The following SLC26A4 variants were observed in gnomAD, a reference collection of about 807,000 sequenced individuals.
SLC26A4 encodes solute carrier family 26 member 4.
Under a neutral mutation model 90.4 loss-of-function variants are expected in SLC26A4, and 93 were observed. The ratio of observed to expected loss-of-function variants is 1.03; its 90% CI spans 0.87 to 1.22. The LOEUF is 1.22. Ranked by LOEUF, SLC26A4 falls within the 50% of genes most tolerant of loss-of-function variation. SLC26A4 has a pLI of 0.00. For missense variants in SLC26A4, 1,127 were observed against 946.2 expected, an observed-to-expected ratio of 1.19 and a Z score of -2.51; for synonymous variants, 393 against 354.6, an observed-to-expected ratio of 1.11 and a Z score of -1.22.
chr7:107,674,704 T>C (rs1056276123), intron 5 of SLC26A4, among the ~76,000 whole-genome samples: 1 of 152,234 alleles, frequency 6.6e-6, no homozygotes, highest in African/African-American at 2.4e-5. Context: ...TTTTTGCTTT[T>C]CTAAGTACAT....
intron 3 of SLC26A4, 41 bp from the exon 4 acceptor site, chr7:107,672,097 A>C (rs1371794055): frequency 7.9e-7 from 1 of 1,262,530 alleles, no homozygotes; most frequent in East Asian, 2.3e-5. Flanking sequence ...GCATACTGTA[A>C]CTTTGGTTTG....
At chr7:107,672,483 T>C (rs1291166399) in intron 4 of SLC26A4, among the ~76,000 whole-genome samples, 1 of 151,718 alleles carries the variant, frequency 6.6e-6, no homozygotes, top group Non-Finnish European at 1.5e-5. Flanking sequence ...TGATGTTAGG[T>C]AACTTTTTTA....
chr7:107,699,876 C>T (rs1345492284), intron 14 of SLC26A4, among the ~76,000 whole-genome samples: 2 of 149,712 alleles, frequency 1.3e-5, no homozygotes, highest in Non-Finnish European at 3.0e-5. Flanking sequence ...TGCAGTGAGC[C>T]GACATTGTGC....
intron 14 of SLC26A4, 42 bp from the exon 15 acceptor site, chr7:107,700,041 G>C (rs1791842166): frequency 5.3e-6 from 6 of 1,136,172 alleles, no homozygotes; most frequent in Non-Finnish European, 8.1e-6. Flanking sequence ...AATACTTGAG[G>C]CTTGAAATTA....
chr7:107,697,983 T>A, intron 13 of SLC26A4, 59 bp from the exon 14 acceptor site: 19 of 1,124,532 alleles, frequency 1.7e-5, no homozygotes, highest in Non-Finnish European at 2.6e-5. Flanking sequence ...TGTTTTTAAC[T>A]TTTTATTCCA....
In SLC26A4 at chr7:107,715,569, C is replaced by A; in HGVS notation, c.*123C>A. ...CTATTAAGCCATTGAAAGAGAAGCACTAAGACTGCTTCTAGGCTTTATTTA... is the reference window on the plus strand; with the variant it reads ...CTATTAAGCCATTGAAAGAGAAGCAATAAGACTGCTTCTAGGCTTTATTTA... On this transcript the variant is annotated 3_prime_UTR_variant, in exon 21 of 21. Transcript: ENST00000644269. The A allele has an allele frequency of 1.2e-6, 1 of 815,158 alleles. No homozygotes were observed. The highest frequency in any genetic ancestry group is 2.2e-6 in the Non-Finnish European group (1 of 452,510). 50.5% of individuals were successfully genotyped at this position (815,158 alleles called of 1,614,324 possible).
rs368119540 is a variant in SLC26A4, at chr7:107,701,943, G to A, written c.1920G>A (p.Trp640Ter). ...AGGAAATAGAGATTCAAGTGGATTG[G>A]AACTCTGAGCTTCCAGTCAAAGTGA... is the stretch of plus-strand genomic sequence containing the variant. ...PTKEIEIQVD[W>*]NSELPVKVNV... The change falls in exon 17 of 21, where the codon TGG (tryptophan) becomes TGA (stop). Residue 640 changes from tryptophan (W) to a stop codon, truncating the protein, a stop_gained. Transcript: ENST00000644269. LOFTEE classifies it high-confidence loss of function. 4.3e-6 allele frequency: 7 copies of A among 1,612,724 alleles called. No homozygotes were observed. The African/African-American group carries it at 6.7e-5, about 15-fold the overall frequency.
chr7:107,683,807 T>C (rs540045355), intron 8 of SLC26A4, among the ~76,000 whole-genome samples: 1 of 152,296 alleles, frequency 6.6e-6, no homozygotes, highest in South Asian at 2.1e-4. Flanking sequence ...AGAGTCCTGA[T>C]TTAAACTTAT....
chr7:107,663,385 T>G lies in SLC26A4; in HGVS notation c.254T>G (p.Leu85Arg). 1 of 1,614,160 alleles carries G rather than the reference T, an allele frequency of 6.2e-7. No homozygotes were observed. Among genetic ancestry groups the G allele is most frequent in the East Asian group, 2.2e-5 (1 of 44,882 alleles). The change falls in exon 3 of 21, where the codon CTT (leucine) becomes CGT (arginine). Residue 85 changes from leucine to arginine, a missense_variant. Transcript: ENST00000644269. ...AAATACCGAGTCAAGGAATGGCTGC[T>G]TAGTGACGTCATTTCGGGAGTTAGT... ...LPKYRVKEWL[L>R]SDVISGVSTG...
intron 9 of SLC26A4, among the ~76,000 whole-genome samples, chr7:107,689,871 C>T (rs1199976437): frequency 6.6e-6 from 1 of 152,116 alleles, no homozygotes; most frequent in African/African-American, 2.4e-5. Flanking sequence ...AAAAGCTTAG[C>T]AAATGATCAG....
intron 10 of SLC26A4, chr7:107,693,165 A>T: frequency 3.3e-6 from 1 of 305,252 alleles, no homozygotes; most frequent in Non-Finnish European, 4.8e-6. Flanking sequence ...GGGAAGGGAT[A>T]TGAAGGAAAG....
In SLC26A4 at chr7:107,694,630, G is replaced by A; in HGVS notation, c.1351G>A (p.Ala451Thr). 6.2e-7 allele frequency: 1 copy of A among 1,612,738 alleles called. No individual in the cohort carries two copies. Among genetic ancestry groups the A allele is most frequent in the African/African-American group, 1.3e-5 (1 of 75,026 alleles). The change falls in exon 12 of 21, where the codon GCA becomes ACA. Residue 451 changes from alanine to threonine, a missense_variant. By Grantham distance (58) the Ala-to-Thr change is moderately conservative. Transcript: ENST00000644269. ...LLEPLQKSVLAAVVIANLKGM... is the reference protein window; with the variant it reads ...LLEPLQKSVLTAVVIANLKGM... ...CTGTCTCTCTTGGCAGTCGGTCTTG[G>A]CAGCTGTTGTAATTGCCAACCTGAA...
At chr7:107,713,704 T>C (rs112399964) in intron 20 of SLC26A4, among the ~76,000 whole-genome samples, 3 of 152,278 alleles carry the variant, frequency 2.0e-5, no homozygotes, top group African/African-American at 7.2e-5. Flanking sequence ...GTGTTTCCTT[T>C]CATAATAGCA....
At chr7:107,705,554 G>T (rs569664178) in intron 18 of SLC26A4, among the ~76,000 whole-genome samples, 1 of 152,282 alleles carries the variant, frequency 6.6e-6, no homozygotes, top group Non-Finnish European at 1.5e-5. Context: ...AGTACCTGAT[G>T]TATTTATATA....
intron 20 of SLC26A4, 72 bp downstream of exon 20, chr7:107,712,694 T>C (rs1792224902): frequency 1.2e-6 from 1 of 834,598 alleles, no homozygotes; most frequent in South Asian, 1.4e-5. Flanking sequence ...AAATAGTGAA[T>C]ATATCTGATT....
rs192142953 is a variant in SLC26A4, at chr7:107,687,281, C to T, written c.1002-1772C>T. On this transcript the variant is annotated intron_variant, in intron 8 of 20. Transcript: ENST00000644269. ...GAGAGTTATATCCACAGAAGGAGGG[C>T]AAGGGCAAGGGCAAGGACAAAAGGC... is the stretch of plus-strand genomic sequence containing the variant. 4.7e-4 allele frequency among the ~76,000 whole-genome samples: 72 copies of T among 152,240 alleles called. 1 individual carries two copies. The highest frequency in any genetic ancestry group is 3.4e-3 in the Admixed American group (52 of 15,282).
rs766758185 is a variant in SLC26A4, at chr7:107,663,276, G to C, written c.165-20G>C. Reference sequence around the variant, plus strand: ...TGACTGAGATTGGATTGAAAACCCAGTTTTCTTGCTTTTTGACAGTTGTTC... The same window carrying C: ...TGACTGAGATTGGATTGAAAACCCACTTTTCTTGCTTTTTGACAGTTGTTC... On this transcript the variant is annotated intron_variant, in intron 2 of 20. Coordinates refer to ENST00000644269, the MANE Select transcript of SLC26A4 (RefSeq NM_000441.2). 1.2e-6 allele frequency: 2 copies of C among 1,614,158 alleles called. No homozygotes were observed. Among genetic ancestry groups the C allele is most frequent in the South Asian group, 2.2e-5 (2 of 91,082 alleles).
intron 18 of SLC26A4, among the ~76,000 whole-genome samples, chr7:107,706,278 C>A (rs1371193518): frequency 6.6e-6 from 1 of 152,188 alleles, no homozygotes; most frequent in Non-Finnish European, 1.5e-5. Flanking sequence ...ACATAGGTGA[C>A]TCCTTTCAAA....
In SLC26A4 at chr7:107,661,638, G is replaced by A. The variant is rs1427498770; in HGVS notation, c.-3-1G>A. The A allele has an allele frequency of 5.1e-6, 8 of 1,560,488 alleles. No individual in the cohort carries two copies. Among genetic ancestry groups the A allele is most frequent in the Non-Finnish European group, 6.9e-6 (8 of 1,158,498 alleles). On this transcript the variant is annotated splice_acceptor_variant, in intron 1 of 20. Transcript: ENST00000644269. LOFTEE classifies it low-confidence loss of function (5UTR_SPLICE). The surrounding 1 kb of genome is among the most constrained non-coding windows in gnomAD (Gnocchi z 5.1). ...CCTCCTCGCTGTCCTCTGGCTCGCA[G>A]GTCATGGCAGCGCCAGGCGGCAGGT... is the stretch of plus-strand genomic sequence containing the variant.
Sources: allele counts gnomAD v4.1 joint callset (sites outside exome capture counted in the v4.1 genomes callset), GRCh38; gene constraint gnomAD v4.1.1; non-coding constraint Gnocchi (gnomAD v3.1); transcripts MANE v1.5; gene names NCBI Gene and HGNC (gene_info 2026-07-23, HGNC 2026-07-21).